The following AFF2 variants were observed in gnomAD, a reference collection of about 807,000 sequenced individuals.
AFF2 encodes AF4/FMR2 family member 2.
Under a neutral mutation model 76.9 loss-of-function variants are expected in AFF2, and 14 were observed. The observed-to-expected ratio is 0.18, with a 90% CI of 0.12 to 0.28. The LOEUF (loss-of-function observed/expected upper bound fraction) is 0.28, where lower values mean the gene tolerates loss of function less well. Ranked by LOEUF, AFF2 falls within the 10% of genes least tolerant of loss-of-function variation. The pLI is 1.00. For synonymous variants in AFF2, 398 were observed against 366.7 expected (o/e 1.09, Z -0.98); for missense variants, 868 against 1,001.1 (o/e 0.87, Z 1.79).
At position 148,691,581 on chromosome X, in the gene AFF2, A is replaced by C. The variant is rs111937495; in HGVS notation, c.1041+28813A>C. On this transcript the variant is annotated intron_variant, in intron 3 of 20. Coordinates refer to ENST00000370460, the MANE Select transcript of AFF2 (RefSeq NM_002025.4). ...GTGAGGAGCCAAATCATGAAGTGTG[A>C]GTAGGAATTGGTCAGCAAGCCAAAT... is the stretch of plus-strand genomic sequence containing the variant. Among the ~76,000 whole-genome samples the C allele has an allele frequency of 9.0e-3, 1,003 of 111,461 alleles. 17 individuals are homozygous for C. Among genetic ancestry groups the C allele is most frequent in the African/African-American group, 0.031 (948 of 30,594 alleles).
intron 3 of AFF2, among the ~76,000 whole-genome samples, chrX:148,802,784 T>C (rs781932846): frequency 8.9e-4 from 100 of 112,243 alleles, no homozygotes; most frequent in Non-Finnish European, 1.2e-3. Context: ...TATGAGAGTG[T>C]GCTATGATCT....
chrX:148,691,209 G>A (rs1557260734), intron 3 of AFF2, among the ~76,000 whole-genome samples: 1 of 111,893 alleles, frequency 8.9e-6, no homozygotes, highest in Non-Finnish European at 1.9e-5. Flanking sequence ...AAGATTAAAT[G>A]AATTGGTCCA....
intron 3 of AFF2, among the ~76,000 whole-genome samples, chrX:148,786,229 A>G (rs1382165466): frequency 9.0e-6 from 1 of 111,611 alleles, no homozygotes; most frequent in Non-Finnish European, 1.9e-5. Flanking sequence ...CTGGCCAGTC[A>G]TTAACTCTGC....
At chrX:148,857,342 C>T (rs782261013) in intron 7 of AFF2, among the ~76,000 whole-genome samples, 45 of 111,408 alleles carry the variant, frequency 4.0e-4, no homozygotes, top group African/African-American at 7.2e-4. Flanking sequence ...GCCCAATAGA[C>T]GAATCATTTT....
intron 3 of AFF2, among the ~76,000 whole-genome samples, chrX:148,751,689 G>A (rs188406009): frequency 1.8e-5 from 2 of 111,673 alleles, no homozygotes; most frequent in Admixed American, 1.9e-4. Context: ...GTCCTGGGTA[G>A]CCAAATAGCA....
In AFF2 at chrX:148,987,910, TA is replaced by T. The variant is rs200808836; in HGVS notation, c.3814+354del. On this transcript the variant is annotated intron_variant, in intron 20 of 20. Coordinates refer to ENST00000370460, the MANE Select transcript of AFF2 (RefSeq NM_002025.4). ...TGGCTCCTGTTATTATTGTTATTAT[TA>T]TTTTTTTGAGAGGTGAGGTTGAACT... is the stretch of plus-strand genomic sequence containing the variant. Among the ~76,000 whole-genome samples, 157 of 112,014 alleles carry T rather than the reference TA, an allele frequency of 1.4e-3. 1 individual carries two copies. In the East Asian group the frequency reaches 0.038, roughly 27 times the overall value.
At chrX:148,824,241 C>T (rs782181766) in intron 4 of AFF2, among the ~76,000 whole-genome samples, 2 of 111,519 alleles carry the variant, frequency 1.8e-5, no homozygotes, top group East Asian at 5.7e-4. Flanking sequence ...TGCTTACCTA[C>T]ACCTTGCACA....
At chrX:148,739,778 A>G (rs1603291928) in intron 3 of AFF2, among the ~76,000 whole-genome samples, 1 of 110,934 alleles carries the variant, frequency 9.0e-6, no homozygotes, top group East Asian at 2.8e-4. Context: ...TGCTGTTTTG[A>G]TGTGTTTCCA....
intron 4 of AFF2, among the ~76,000 whole-genome samples, chrX:148,821,686 C>G (rs1457513362): frequency 9.0e-6 from 1 of 111,375 alleles, no homozygotes; most frequent in Non-Finnish European, 1.9e-5. Context: ...ATTAATTTCT[C>G]TATCTGTCTT....
chrX:148,686,613 A>T (rs566202362), intron 3 of AFF2, among the ~76,000 whole-genome samples: 5 of 111,801 alleles, frequency 4.5e-5, no homozygotes, highest in African/African-American at 1.6e-4. Flanking sequence ...GGGAATGATG[A>T]TAATATATGT....
chrX:148,861,911 T>C (rs2070852072), intron 7 of AFF2, among the ~76,000 whole-genome samples: 1 of 111,290 alleles, frequency 9.0e-6, no homozygotes, highest in African/African-American at 3.3e-5. Flanking sequence ...GAGGGTGTTC[T>C]GAAATTCCAC....
chrX:148,550,149 A>T (rs188652957), intron 1 of AFF2, among the ~76,000 whole-genome samples: 54 of 112,370 alleles, frequency 4.8e-4, no homozygotes, highest in African/African-American at 1.7e-3. Flanking sequence ...ATATTAACTC[A>T]GGAAATTTTG....
At chrX:148,515,926 A>T (rs553212814) in intron 1 of AFF2, among the ~76,000 whole-genome samples, 1 of 111,897 alleles carries the variant, frequency 8.9e-6, no homozygotes, top group Admixed American at 9.5e-5. Context: ...AAACAAAAAC[A>T]AAAACATAAT....
chrX:148,916,111 C>A (rs367954224), intron 9 of AFF2, among the ~76,000 whole-genome samples: 65 of 110,376 alleles, frequency 5.9e-4, no homozygotes, highest in African/African-American at 2.1e-3. Context: ...GTTGGGAGAT[C>A]CCCTTGGAGA....
chrX:148,701,031 T>TGTGA (rs2054790593), intron 3 of AFF2, among the ~76,000 whole-genome samples: 2 of 108,763 alleles, frequency 1.8e-5, no homozygotes, highest in Non-Finnish European at 3.8e-5. Flanking sequence ...TGTGTGTGTG[T>TGTGA]GTGTGTGTGT....
At chrX:148,866,488 A>G (rs1324171851) in intron 7 of AFF2, among the ~76,000 whole-genome samples, 1 of 112,681 alleles carries the variant, frequency 8.9e-6, no homozygotes, top group Non-Finnish European at 1.9e-5. Context: ...TGTGCAATAC[A>G]TCTTTTCAAT....
chrX:148,847,399 G>T, intron 7 of AFF2, among the ~76,000 whole-genome samples: 1 of 111,935 alleles, frequency 8.9e-6, no homozygotes, highest in Non-Finnish European at 1.9e-5. Context: ...TGTAAAACTT[G>T]GTTGTTAGCA....
At chrX:148,680,549 A>C (rs57624071) in intron 3 of AFF2, among the ~76,000 whole-genome samples, 1 of 111,383 alleles carries the variant, frequency 9.0e-6, no homozygotes, top group East Asian at 2.8e-4. Flanking sequence ...TTAAAAAAAA[A>C]ATCAACTTCG....
intron 9 of AFF2, among the ~76,000 whole-genome samples, chrX:148,914,763 A>C (rs1172334108): frequency 8.9e-6 from 1 of 112,606 alleles, no homozygotes; most frequent in African/African-American, 3.2e-5. Flanking sequence ...AGGCTACACT[A>C]AGATATAGTA....
Sources: gnomAD v4.1 joint callset for allele counts (sites outside exome capture counted in the v4.1 genomes callset) on GRCh38, gnomAD v4.1.1 for gene constraint, MANE v1.5 for transcripts, NCBI Gene and HGNC (gene_info 2026-07-23, HGNC 2026-07-21) for gene names.